The following NCBP1 variants were observed in gnomAD, a reference collection of about 807,000 sequenced individuals.
The protein encoded by NCBP1 is nuclear cap binding protein subunit 1.
In NCBP1, 16 loss-of-function variants were observed where a neutral mutation model predicts 111.7. The observed-to-expected ratio is 0.14, with a 90% CI of 0.10 to 0.22. The LOEUF is 0.22. Among genes scored for constraint, NCBP1 ranks in the 10% least tolerant of loss-of-function variants. The probability of loss-of-function intolerance (pLI) is 1.00; values close to 1 mark genes in which losing one functional copy is unlikely to be tolerated. For missense variants in NCBP1, 607 were observed against 957.5 expected (o/e 0.63, Z 4.83); for synonymous variants, 304 against 314.3 (o/e 0.97, Z 0.35).
chr9:97,634,503 C>T (rs1826937009), intron 1 of NCBP1: 1 of 152,244 alleles, frequency 6.6e-6, no homozygotes, highest in South Asian at 2.1e-4. Flanking sequence ...AGCGCATTTC[C>T]CTTGTGTGAG....
At chr9:97,663,128 T>C (rs1416716192) in intron 18 of NCBP1, 81 bp downstream of exon 18, 3 of 1,091,890 alleles carry the variant, frequency 2.7e-6, no homozygotes, top group South Asian at 1.4e-5. Flanking sequence ...ATTGTTTTGT[T>C]TGTAAAACAT....
At chr9:97,661,917 A>G (rs1827850101) in intron 16 of NCBP1, 125 bp from the exon 17 acceptor site, 1 of 530,952 alleles carries the variant, frequency 1.9e-6, no homozygotes, top group African/African-American at 1.9e-5. Flanking sequence ...TGTTTATTAG[A>G]ACCAAAAAAC....
At chr9:97,653,252 C>T (rs1255720036) in intron 10 of NCBP1, among the ~76,000 whole-genome samples, 1 of 151,378 alleles carries the variant, frequency 6.6e-6, no homozygotes, top group South Asian at 2.1e-4. Flanking sequence ...TCTCAAGTTG[C>T]TGGGACTATA....
chr9:97,655,072 T>G, intron 12 of NCBP1, 128 bp downstream of exon 12: 1 of 684,038 alleles, frequency 1.5e-6, no homozygotes, highest in Non-Finnish European at 2.3e-6. Flanking sequence ...CAAAATAACC[T>G]TTGTATAATA....
chr9:97,658,614 T>A, intron 14 of NCBP1, 26 bp from the exon 15 acceptor site: 1 of 1,537,282 alleles, frequency 6.5e-7, no homozygotes, highest in Middle Eastern at 1.7e-4. Context: ...AAAAGATATT[T>A]TCTGAGGCTG....
At chr9:97,636,656 A>G (rs1448252190) in intron 1 of NCBP1, among the ~76,000 whole-genome samples, 1 of 135,044 alleles carries the variant, frequency 7.4e-6, no homozygotes, top group Non-Finnish European at 1.5e-5. Context: ...ATATATATAT[A>G]TATATATATA....
intron 20 of NCBP1, among the ~76,000 whole-genome samples, chr9:97,668,550 T>C (rs1828080188): frequency 6.6e-6 from 1 of 152,168 alleles, no homozygotes; most frequent in South Asian, 2.1e-4. Flanking sequence ...ACTGCTCAAA[T>C]GGTCAAATAG....
At chr9:97,640,033 C>T (rs1564017468) in intron 1 of NCBP1, among the ~76,000 whole-genome samples, 1 of 152,142 alleles carries the variant, frequency 6.6e-6, no homozygotes. Context: ...AATTGTAAAA[C>T]GTGGTCCTTT....
chr9:97,672,001 A>C lies in NCBP1; in HGVS notation c.*802A>C, dbSNP rs1828207222. The C allele has an allele frequency of 6.6e-6, 1 of 152,210 alleles. No individual in the cohort carries two copies. Among genetic ancestry groups the C allele is most frequent in the Admixed American group, 6.5e-5 (1 of 15,282 alleles). The allele number at this position is 152,210 out of a possible 1,614,324, so 9.4% of individuals were successfully genotyped here. On this transcript the variant is annotated 3_prime_UTR_variant, in exon 23 of 23. Coordinates refer to ENST00000375147, the MANE Select transcript of NCBP1 (RefSeq NM_002486.5). ...TCCAAGGTCTTGTAGTGAGTTACAG[A>C]ATACTAAAGTGGATGTAGAAGTGGT...
At position 97,661,003 on chromosome 9, in the gene NCBP1, C is replaced by T; in HGVS notation, c.1535C>T (p.Ala512Val). 2 of 1,612,674 alleles carry T rather than the reference C, an allele frequency of 1.2e-6. No individual in the cohort carries two copies. Among genetic ancestry groups the T allele is most frequent in the Non-Finnish European group, 1.7e-6 (2 of 1,179,664 alleles). Residue 512 changes from alanine (A) to valine (V), a missense_variant, in exon 16 of 23, where the codon GCA becomes GTA. Physicochemically the swap from Ala to Val is moderately conservative, Grantham distance 64 (BLOSUM62 0). This residue lies in a region of NCBP1 where 282 missense variants were observed against 376.5 expected (regional missense o/e 0.75). Coordinates refer to ENST00000375147, the MANE Select transcript of NCBP1 (RefSeq NM_002486.5). The stretch of plus-strand genomic sequence containing the variant: ...TTAGCTGTTGCCTTTAAAAGTAAGG[C>T]AACCAATGATGAAATCTTCAGCATT... ...LCLAVAFKSK[A>V]TNDEIFSILK...
intron 1 of NCBP1, among the ~76,000 whole-genome samples, chr9:97,639,294 CT>C (rs1314057945): frequency 1.3e-5 from 2 of 152,152 alleles, no homozygotes; most frequent in East Asian, 1.9e-4. Flanking sequence ...AATACCCCCC[CT>C]CAGATCCTAT....
intron 17 of NCBP1, 31 bp downstream of exon 17, chr9:97,662,175 G>C (rs1417108155): frequency 2.6e-6 from 4 of 1,552,108 alleles, no homozygotes; most frequent in Non-Finnish European, 3.5e-6. Flanking sequence ...TTGCTTGAGA[G>C]TTTGGAATTT....
intron 22 of NCBP1, chr9:97,670,038 T>G: frequency 2.7e-6 from 1 of 370,982 alleles, no homozygotes; most frequent in Non-Finnish European, 5.2e-6. Context: ...TTCTTCTGCC[T>G]CAGCCTCCCA....
intron 22 of NCBP1, among the ~76,000 whole-genome samples, chr9:97,670,759 G>C (rs1241353325): frequency 6.6e-6 from 1 of 152,176 alleles, no homozygotes; most frequent in Admixed American, 6.5e-5. Flanking sequence ...TGCCCTGACT[G>C]GGGAGAGAGC....
chr9:97,643,196 T>G lies in NCBP1; in HGVS notation c.225-8T>G. On this transcript the variant is annotated splice_polypyrimidine_tract_variant and splice_region_variant and intron_variant, in intron 3 of 22. Transcript: ENST00000375147. ...GGGTTTTCTTGTTATACTGGGTTCT[T>G]AAATCAGTGCACGCCTATTACCTGA... 6.3e-7 allele frequency: 1 copy of G among 1,576,744 alleles called. No individual in the cohort carries two copies. The highest frequency in any genetic ancestry group is 8.6e-7 in the Non-Finnish European group (1 of 1,169,240).
intron 1 of NCBP1, among the ~76,000 whole-genome samples, chr9:97,638,770 A>G (rs1261491107): frequency 6.6e-6 from 1 of 152,108 alleles, no homozygotes; most frequent in Non-Finnish European, 1.5e-5. Flanking sequence ...ATTTAGCAGC[A>G]TGCCTGGCCC....
intron 14 of NCBP1, among the ~76,000 whole-genome samples, chr9:97,657,807 C>T (rs1827701875): frequency 1.3e-5 from 2 of 150,588 alleles, no homozygotes; most frequent in South Asian, 2.1e-4. Context: ...ATATTTCATT[C>T]GATGGGTTAT....
intron 8 of NCBP1, among the ~76,000 whole-genome samples, chr9:97,649,756 A>G (rs1588002723): frequency 1.4e-5 from 2 of 145,066 alleles, no homozygotes; most frequent in South Asian, 2.2e-4. Flanking sequence ...TTTTTTGTGC[A>G]GGGGAAACTA....
chr9:97,637,574 A>G (rs1827082271), intron 1 of NCBP1, among the ~76,000 whole-genome samples: 1 of 152,184 alleles, frequency 6.6e-6, no homozygotes, highest in Non-Finnish European at 1.5e-5. Context: ...AAAAAAATAG[A>G]AGTGAAAGGA....
Sources: allele counts gnomAD v4.1 joint callset (sites outside exome capture counted in the v4.1 genomes callset), GRCh38; gene constraint gnomAD v4.1.1; regional missense constraint gnomAD v4.1.1; transcripts MANE v1.5; gene names NCBI Gene and HGNC (gene_info 2026-07-23, HGNC 2026-07-21).